Variants in PRRX2 observed in about 807,000 individuals in gnomAD.
The protein encoded by PRRX2 is paired related homeobox 2, also known as paired mesoderm homeobox protein 2.
A neutral mutation model predicts 18.0 loss-of-function variants in PRRX2; 11 were observed. The observed-to-expected ratio is 0.61, with a 90% CI of 0.39 to 1.01. The LOEUF (loss-of-function observed/expected upper bound fraction) is 1.01, where lower values mean the gene tolerates loss of function less well. Among genes scored for constraint, PRRX2 ranks in the 50% least tolerant of loss-of-function variants. The pLI is 0.01. For synonymous variants in PRRX2, 177 were observed against 154.8 expected, an observed-to-expected ratio of 1.14 and a Z score of -1.06; for missense variants, 387 against 351.0, an observed-to-expected ratio of 1.10 and a Z score of -0.82.
Position 129,675,711 on chromosome 9 carries a change from T to C in PRRX2, c.259+9585T>C, listed in dbSNP as rs1832155514. ...AGACGTTTACACGCCAGAGATGGCG[T>C]TATTAAAAATGACATTTAACCAGAG... On this transcript the variant is annotated intron_variant, in intron 1 of 3. Coordinates refer to ENST00000372469, the MANE Select transcript of PRRX2 (RefSeq NM_016307.4). This position sits in a 1 kb window ranked among gnomAD's most constrained non-coding sequence, Gnocchi z 4.4. Among the ~76,000 whole-genome samples, 1 of 150,820 alleles carries C rather than the reference T, an allele frequency of 6.6e-6. No individual in the cohort carries two copies.
chr9:129,717,469 G>C (rs903451641), intron 1 of PRRX2, among the ~76,000 whole-genome samples: 3 of 152,078 alleles, frequency 2.0e-5, no homozygotes, highest in African/African-American at 7.2e-5. Context: ...GGCGAGGCGG[G>C]CAGATTGCTC....
chr9:129,685,373 T>C (rs1832288599), intron 1 of PRRX2, among the ~76,000 whole-genome samples: 1 of 152,216 alleles, frequency 6.6e-6, no homozygotes, highest in Non-Finnish European at 1.5e-5. Flanking sequence ...CTTTTTTTAT[T>C]TTTATTTTTT....
chr9:129,684,404 C>G lies in PRRX2; in HGVS notation c.259+18278C>G, dbSNP rs1267417105. 4.1e-5 allele frequency among the ~76,000 whole-genome samples: 6 copies of G among 145,754 alleles called. No individual in the cohort carries two copies. In the East Asian group the frequency reaches 7.1e-4, roughly 17 times the overall value. The stretch of plus-strand genomic sequence containing the variant: ...CTTTCCTATAGAGGAGACACACACA[C>G]AGAGAGAGACACACACAGATACAAC... On this transcript the variant is annotated intron_variant, in intron 1 of 3. Coordinates refer to ENST00000372469, the MANE Select transcript of PRRX2 (RefSeq NM_016307.4).
chr9:129,686,790 CCGCCCCTCCTCCACCCA>C (rs1167881369), intron 1 of PRRX2, among the ~76,000 whole-genome samples: 2 of 152,232 alleles, frequency 1.3e-5, no homozygotes, highest in African/African-American at 4.8e-5. Context: ...TCACCACCGG[CCGCCCCTCCTCCACCCA>C]GGCCCCTCCC....
intron 1 of PRRX2, among the ~76,000 whole-genome samples, chr9:129,681,225 G>C (rs1161600746): frequency 6.6e-6 from 1 of 152,232 alleles, no homozygotes; most frequent in Non-Finnish European, 1.5e-5. Flanking sequence ...AGGCATCAGA[G>C]AGCAGGTTCC....
chr9:129,692,463 T>C lies in PRRX2; in HGVS notation c.259+26337T>C, dbSNP rs1832372829. Among the ~76,000 whole-genome samples, 4 of 151,938 alleles carry C rather than the reference T, an allele frequency of 2.6e-5. No homozygotes were observed. In the South Asian group the frequency reaches 8.3e-4, roughly 32 times the overall value. ...TTCCCTCTTGGTGTTGTTCATTCTG[T>C]GGGGTTAGAGAAATGCATAATGACA... On this transcript the variant is annotated intron_variant, in intron 1 of 3. Transcript: ENST00000372469.
At chr9:129,682,903 G>A (rs1832251645) in intron 1 of PRRX2, among the ~76,000 whole-genome samples, 1 of 150,152 alleles carries the variant, frequency 6.7e-6, no homozygotes, top group Non-Finnish European at 1.5e-5. Flanking sequence ...TCAGGTGTTC[G>A]AAACCAGCCT....
intron 1 of PRRX2, among the ~76,000 whole-genome samples, chr9:129,702,621 G>A (rs561928281): frequency 8.1e-4 from 123 of 152,344 alleles, no homozygotes; most frequent in Non-Finnish European, 1.6e-3. Context: ...ACGGTACAGA[G>A]CTAGAGTGTG....
intron 1 of PRRX2, among the ~76,000 whole-genome samples, chr9:129,694,329 TG>T (rs571475441): frequency 6.6e-6 from 1 of 152,260 alleles, no homozygotes; most frequent in Non-Finnish European, 1.5e-5. Flanking sequence ...GGACTATGGG[TG>T]TGTGCCACCA....
At position 129,722,301 on chromosome 9, in the gene PRRX2, C is replaced by G. The variant is rs768608876; in HGVS notation, c.711C>G (p.Leu237=). ...CCAACAGCATCGCCAGCCTCCGTCT[C>G]AAGGCCAAGGAGTTCAGCCTGCACC... ...NMANSIASLR[L]KAKEFSLHHS... The change falls in exon 4 of 4, where the codon CTC becomes CTG. Residue 237 remains leucine (L), a synonymous_variant. Transcript: ENST00000372469. 1 of 1,614,072 alleles carries G rather than the reference C, an allele frequency of 6.2e-7. No homozygotes were observed. The highest frequency in any genetic ancestry group is 8.5e-7 in the Non-Finnish European group (1 of 1,180,022).
intron 1 of PRRX2, among the ~76,000 whole-genome samples, chr9:129,690,565 G>C (rs1238005681): frequency 6.6e-6 from 1 of 151,040 alleles, no homozygotes; most frequent in African/African-American, 2.4e-5. Context: ...GGAGTGCAGT[G>C]GTGCGATCTC....
chr9:129,683,315 C>A (rs1337031591), intron 1 of PRRX2, among the ~76,000 whole-genome samples: 1 of 152,194 alleles, frequency 6.6e-6, no homozygotes, highest in Non-Finnish European at 1.5e-5. Flanking sequence ...TTGACATTTC[C>A]ATTTTAGAGA....
intron 1 of PRRX2, among the ~76,000 whole-genome samples, chr9:129,689,589 C>T (rs540221258): frequency 6.6e-6 from 1 of 152,042 alleles, no homozygotes; most frequent in South Asian, 2.1e-4. Flanking sequence ...TGGTCTGATG[C>T]GCAAAGACCT....
chr9:129,684,524 C>A (rs7849066), intron 1 of PRRX2, among the ~76,000 whole-genome samples: 5,928 of 44,430 alleles, frequency 0.13, 218 homozygotes, highest in African/African-American at 0.17. Flanking sequence ...ACACACACAC[C>A]CACACACACC....
chr9:129,703,058 G>A (rs2130925763), intron 1 of PRRX2, among the ~76,000 whole-genome samples: 1 of 152,364 alleles, frequency 6.6e-6, no homozygotes, highest in South Asian at 2.1e-4. Context: ...AGCCAGGGTT[G>A]GCTGTTGTGT....
In PRRX2 at chr9:129,691,772, G is replaced by A. The variant is rs535633883; in HGVS notation, c.259+25646G>A. Among the ~76,000 whole-genome samples, 8 of 150,354 alleles carry A rather than the reference G, an allele frequency of 5.3e-5. No homozygotes were observed. In the South Asian group the frequency reaches 1.3e-3, roughly 24 times the overall value. Reference sequence around the variant, plus strand: ...CAGCTCATGGCAGCCTCCATCTCCCGGGCTCAAGCCATCCTCCCACCTCAG... The same window carrying A: ...CAGCTCATGGCAGCCTCCATCTCCCAGGCTCAAGCCATCCTCCCACCTCAG... On this transcript the variant is annotated intron_variant, in intron 1 of 3. Coordinates refer to ENST00000372469, the MANE Select transcript of PRRX2 (RefSeq NM_016307.4).
intron 1 of PRRX2, among the ~76,000 whole-genome samples, chr9:129,693,235 T>C (rs1437504695): frequency 6.6e-6 from 1 of 152,172 alleles, no homozygotes; most frequent in Non-Finnish European, 1.5e-5. Context: ...CATTTTAAAA[T>C]CAGGTTGTTT....
intron 1 of PRRX2, among the ~76,000 whole-genome samples, chr9:129,697,411 C>T (rs1832440210): frequency 6.6e-6 from 1 of 151,558 alleles, no homozygotes; most frequent in African/African-American, 2.4e-5. Flanking sequence ...CAGCGCGGGG[C>T]TGGGCGCGGG....
intron 1 of PRRX2, among the ~76,000 whole-genome samples, chr9:129,687,794 G>T (rs1421812074): frequency 6.6e-6 from 1 of 152,232 alleles, no homozygotes; most frequent in Non-Finnish European, 1.5e-5. Flanking sequence ...GACCCTGGCC[G>T]GGCAGGCCTA....
Sources: gnomAD v4.1 joint callset for allele counts (sites outside exome capture counted in the v4.1 genomes callset) on GRCh38, gnomAD v4.1.1 for gene constraint, Gnocchi (gnomAD v3.1) non-coding constraint, MANE v1.5 for transcripts, NCBI Gene and HGNC (gene_info 2026-07-23, HGNC 2026-07-21) for gene names.